Variants in NAT10 observed in about 807,000 individuals in gnomAD.
The protein encoded by NAT10 is RNA cytidine acetyltransferase.
Under a neutral mutation model 132.2 loss-of-function variants are expected in NAT10, and 109 were observed. The observed-to-expected ratio is 0.82, with a 90% CI of 0.71 to 0.97. The LOEUF is 0.97. Among genes scored for constraint, NAT10 ranks in the 50% least tolerant of loss-of-function variants. The pLI, the probability that NAT10 is intolerant of heterozygous loss-of-function variation, is 0.00. For missense variants in NAT10, 1,184 were observed against 1,263.4 expected, an observed-to-expected ratio of 0.94 and a Z score of 0.95; for synonymous variants, 479 against 478.0, an observed-to-expected ratio of 1.00 and a Z score of -0.03.
rs940264188 is a variant in NAT10, at chr11:34,135,142, C to G, written c.1912-33C>G. 3.8e-6 allele frequency: 6 copies of G among 1,561,574 alleles called. No individual in the cohort carries two copies. The African/African-American group carries it at 8.1e-5, about 21-fold the overall frequency. ...GCTTAGACTGAGAGCAGCTCTCTTC[C>G]CTCGGCCTCTTCCCCTTCACGTTTG... On this transcript the variant is annotated intron_variant, in intron 18 of 28. Transcript: ENST00000257829.
chr11:34,113,244 C>G (rs879542241), intron 4 of NAT10, among the ~76,000 whole-genome samples: 2 of 152,112 alleles, frequency 1.3e-5, no homozygotes, highest in Non-Finnish European at 1.5e-5. Context: ...TTCTGAAATT[C>G]AAGTATGAAT....
chr11:34,118,121 C>A, intron 6 of NAT10, 59 bp from the exon 7 acceptor site: 1 of 1,369,472 alleles, frequency 7.3e-7, no homozygotes, highest in Non-Finnish European at 1.0e-6. Context: ...AAAAGTTATA[C>A]TCTGTATAGA....
intron 22 of NAT10, 43 bp from the exon 23 acceptor site, chr11:34,139,342 G>C: frequency 6.2e-7 from 1 of 1,612,288 alleles, no homozygotes; most frequent in Non-Finnish European, 8.5e-7. Context: ...GGGCTGCCGG[G>C]GATGCCTCCA....
At position 34,146,469 on chromosome 11, in the gene NAT10, A is replaced by G. The variant is rs761271950; in HGVS notation, c.*277A>G. ...GCCCAGTCCAGGGCCCTCCTTTCCTATAAGTTCATATTTTGCTTTGAGCCA... is the reference window on the plus strand; with the variant it reads ...GCCCAGTCCAGGGCCCTCCTTTCCTGTAAGTTCATATTTTGCTTTGAGCCA... On this transcript the variant is annotated 3_prime_UTR_variant, in exon 29 of 29. Coordinates refer to ENST00000257829, the MANE Select transcript of NAT10 (RefSeq NM_024662.3). 2 of 259,118 alleles carry G rather than the reference A, an allele frequency of 7.7e-6. No homozygotes were observed. The highest frequency in any genetic ancestry group is 1.5e-5 in the Non-Finnish European group (2 of 136,074). 16.1% of individuals were successfully genotyped at this position (259,118 alleles called of 1,614,324 possible).
At chr11:34,131,145 G>A (rs1041420670) in intron 13 of NAT10, among the ~76,000 whole-genome samples, 4 of 152,114 alleles carry the variant, frequency 2.6e-5, no homozygotes, top group African/African-American at 9.7e-5. Flanking sequence ...TTCTGATGGT[G>A]GGGCCCTTGT....
chr11:34,108,998 C>T (rs1851646753), intron 3 of NAT10, among the ~76,000 whole-genome samples, 165 bp downstream of exon 3: 1 of 152,182 alleles, frequency 6.6e-6, no homozygotes, highest in Admixed American at 6.5e-5. Flanking sequence ...AAATAAGTTT[C>T]AAATCATTTT....
Position 34,118,555 on chromosome 11 carries a change from C to G in NAT10, c.780+52C>G, listed in dbSNP as rs760702480. 7.5e-6 allele frequency: 11 copies of G among 1,465,522 alleles called. No homozygotes were observed. The African/African-American group carries it at 1.5e-4, about 21-fold the overall frequency. 90.8% of individuals were successfully genotyped at this position (1,465,522 alleles called of 1,614,324 possible). A position where few individuals can be genotyped will look rare whatever the true frequency, so the allele number is the denominator to read the frequency against. On this transcript the variant is annotated intron_variant, in intron 8 of 28. Transcript: ENST00000257829. ...CACAAAGGTAGTAAAACATAGCATA[C>G]GGAGCGTAACAGAAGCCAAGGTACG...
intron 28 of NAT10, among the ~76,000 whole-genome samples, chr11:34,145,368 C>T (rs1435261315): frequency 6.6e-6 from 1 of 152,140 alleles, no homozygotes; most frequent in Non-Finnish European, 1.5e-5. Flanking sequence ...TCTTTTTCTT[C>T]CTTTGAGAGG....
intron 1 of NAT10, chr11:34,106,210 CTT>C (rs1250999939): frequency 1.3e-5 from 2 of 152,284 alleles, no homozygotes; most frequent in African/African-American, 2.4e-5. Flanking sequence ...CCTTTATACT[CTT>C]TATTCAGCAG....
Position 34,141,768 on chromosome 11 carries a change from C to T in NAT10, c.2762C>T (p.Ala921Val), listed in dbSNP as rs201926792. 2.4e-5 allele frequency: 39 copies of T among 1,614,032 alleles called. No homozygotes were observed. The African/African-American group carries it at 2.7e-4, about 11-fold the overall frequency. Reference protein sequence around the residue: ...EKAIEEQMVAAKDVVMEPTMK... With the variant: ...EKAIEEQMVAVKDVVMEPTMK... Reference sequence around the variant, plus strand: ...GCCATTGAGGAGCAGATGGTGGCAGCGAAGGATGTGGTCATGGAGCCCACG... The same window carrying T: ...GCCATTGAGGAGCAGATGGTGGCAGTGAAGGATGTGGTCATGGAGCCCACG... Residue 921 changes from alanine (A) to valine (V), a missense_variant, in exon 26 of 29, where the codon GCG becomes GTG. Ala to Val is a moderately conservative substitution (Grantham distance 64, BLOSUM62 0). Coordinates refer to ENST00000257829, the MANE Select transcript of NAT10 (RefSeq NM_024662.3).
intron 4 of NAT10, among the ~76,000 whole-genome samples, chr11:34,112,757 C>A (rs146567232): frequency 3.5e-4 from 53 of 152,276 alleles, no homozygotes; most frequent in African/African-American, 1.2e-3. Context: ...ATTCTCTTGC[C>A]TGGCAAGTTA....
At chr11:34,117,670 G>A (rs58696677) in intron 6 of NAT10, among the ~76,000 whole-genome samples, 18,048 of 152,144 alleles carry the variant, frequency 0.12, 1,127 homozygotes, top group African/African-American at 0.15. Flanking sequence ...ATAGTCAAAC[G>A]CATTTTTTTC....
intron 12 of NAT10, among the ~76,000 whole-genome samples, chr11:34,129,553 A>G (rs938630106): frequency 1.3e-5 from 2 of 150,710 alleles, no homozygotes; most frequent in Non-Finnish European, 2.9e-5. Context: ...TGATTTACAA[A>G]AATTTTCTCA....
Position 34,131,530 on chromosome 11 carries a change from C to T in NAT10, c.1519C>T (p.Leu507=). Residue 507 remains leucine (L), a splice_region_variant and synonymous_variant, in exon 14 of 29, where the codon CTG becomes TTG. Coordinates refer to ENST00000257829, the MANE Select transcript of NAT10 (RefSeq NM_024662.3). ...SGCPLPEACE[L]YYVNRDTLFC... ...CTGCCCCTTGCCTGAAGCTTGTGAA[C>T]TGTATCCTCCTCTGGGTTTCACTGG... 8 of 1,612,354 alleles carry T rather than the reference C, an allele frequency of 5.0e-6. No homozygotes were observed. Among genetic ancestry groups the T allele is most frequent in the South Asian group, 1.1e-5 (1 of 90,876 alleles).
chr11:34,138,295 G>C (rs1852255369), intron 21 of NAT10, among the ~76,000 whole-genome samples: 1 of 152,160 alleles, frequency 6.6e-6, no homozygotes, highest in Non-Finnish European at 1.5e-5. Context: ...GGCTGATCTG[G>C]GGTTGGGAGG....
chr11:34,141,141 A>G lies in NAT10; in HGVS notation c.2645A>G (p.Lys882Arg). 1 of 1,614,070 alleles carries G rather than the reference A, an allele frequency of 6.2e-7. No individual in the cohort carries two copies. The highest frequency in any genetic ancestry group is 8.5e-7 in the Non-Finnish European group (1 of 1,180,014). Residue 882 changes from lysine (K) to arginine (R), a missense_variant, in exon 25 of 29, where the codon AAG becomes AGG. Transcript: ENST00000257829. ...LQHKSVDQLE[K>R]EIELPSGQLM... The stretch of plus-strand genomic sequence containing the variant: ...CATAAGTCTGTGGACCAGCTGGAAA[A>G]GGAGATTGAGCTGCCCTCGGGCCAG...
In NAT10 at chr11:34,142,849, C is replaced by T. The variant is rs1014176837; in HGVS notation, c.2885+501C>T. Among the ~76,000 whole-genome samples, 6 of 152,228 alleles carry T rather than the reference C, an allele frequency of 3.9e-5. 1 individual carries two copies. The highest frequency in any genetic ancestry group is 3.9e-4 in the Admixed American group (6 of 15,284). ...TGATGTGAATAATAACTCCAGAATT[C>T]ATGGCCTCTGAGCCTCTGTGACCTG... On this transcript the variant is annotated intron_variant, in intron 27 of 28. Transcript: ENST00000257829.
At position 34,146,908 on chromosome 11, in the gene NAT10, A is replaced by G. The variant is rs1031872924; in HGVS notation, c.*716A>G. The G allele has an allele frequency of 2.6e-5, 4 of 152,266 alleles. No individual in the cohort carries two copies. Among genetic ancestry groups the G allele is most frequent in the Non-Finnish European group, 4.4e-5 (3 of 68,060 alleles). 9.4% of individuals were successfully genotyped at this position (152,266 alleles called of 1,614,324 possible). ...TTTTAATAAATAACATTCTAGAAAG[A>G]TCAGCTGCCTGTGAGTGTTCTGAAA... On this transcript the variant is annotated 3_prime_UTR_variant, in exon 29 of 29. Coordinates refer to ENST00000257829, the MANE Select transcript of NAT10 (RefSeq NM_024662.3).
chr11:34,141,353 A>G, intron 25 of NAT10, 145 bp downstream of exon 25: 6 of 1,218,856 alleles, frequency 4.9e-6, no homozygotes, highest in Non-Finnish European at 6.9e-6. Flanking sequence ...ACACAAATCC[A>G]GGACTTCAGA....
Sources: gnomAD v4.1 joint callset for allele counts (sites outside exome capture counted in the v4.1 genomes callset) on GRCh38, gnomAD v4.1.1 for gene constraint, MANE v1.5 for transcripts, NCBI Gene and HGNC (gene_info 2026-07-23, HGNC 2026-07-21) for gene names.